CLDN10: variants seen among roughly 807,000 people sequenced by gnomAD.
The protein encoded by CLDN10 is claudin-10.
CLDN10 carries 15 observed loss-of-function variants against 22.9 expected under a neutral mutation model. That is an observed-to-expected ratio of 0.65 (90% CI 0.44 to 1.01). The LOEUF is 1.01. Ranked by LOEUF, CLDN10 falls within the 50% of genes least tolerant of loss-of-function variation. CLDN10 has a pLI of 0.00. For missense variants in CLDN10, 247 were observed against 287.8 expected (o/e 0.86, Z 1.03); for synonymous variants, 114 against 111.4 (o/e 1.02, Z -0.15).
At chr13:95,438,580 G>A (rs960933416) in intron 1 of CLDN10, among the ~76,000 whole-genome samples, 1 of 152,238 alleles carries the variant, frequency 6.6e-6, no homozygotes, top group African/African-American at 2.4e-5. Context: ...TCTGGAAGCT[G>A]CAGTCAAATG....
chr13:95,457,489 T>C (rs966213026), intron 1 of CLDN10, among the ~76,000 whole-genome samples: 7 of 152,116 alleles, frequency 4.6e-5, no homozygotes, highest in Admixed American at 3.3e-4. Context: ...GTTGTGGTTA[T>C]CTGTTTGACC....
intron 1 of CLDN10, among the ~76,000 whole-genome samples, chr13:95,501,735 T>G (rs1016390316): frequency 6.6e-6 from 1 of 152,228 alleles, no homozygotes; most frequent in Non-Finnish European, 1.5e-5. Flanking sequence ...AAAAATCTAG[T>G]CTAATAATCT....
intron 1 of CLDN10, among the ~76,000 whole-genome samples, chr13:95,535,044 C>T (rs1594594780): frequency 6.6e-6 from 1 of 151,936 alleles, no homozygotes; most frequent in East Asian, 1.9e-4. Flanking sequence ...AAAAGGAATT[C>T]TCCAGGCTAA....
chr13:95,469,521 G>T (rs1401298981), intron 1 of CLDN10, among the ~76,000 whole-genome samples: 1 of 152,164 alleles, frequency 6.6e-6, no homozygotes, highest in Non-Finnish European at 1.5e-5. Context: ...AAGGCCACCT[G>T]GTTTAATCAC....
intron 1 of CLDN10, among the ~76,000 whole-genome samples, chr13:95,484,616 G>A (rs2042782460): frequency 6.6e-6 from 1 of 150,906 alleles, no homozygotes; most frequent in Non-Finnish European, 1.5e-5. Context: ...GCCAAGGTGG[G>A]CAGATCACTT....
chr13:95,468,258 T>C (rs747498056), intron 1 of CLDN10, among the ~76,000 whole-genome samples: 1 of 152,192 alleles, frequency 6.6e-6, no homozygotes, highest in African/African-American at 2.4e-5. Context: ...TTTTGGTAAT[T>C]GTCTTACCTC....
intron 1 of CLDN10, among the ~76,000 whole-genome samples, chr13:95,483,871 G>A (rs1471833208): frequency 1.3e-5 from 2 of 152,180 alleles, no homozygotes; most frequent in Non-Finnish European, 2.9e-5. Context: ...CAAGGTGATG[G>A]TATTGGGATG....
At chr13:95,537,595 C>T (rs2138617726) in intron 1 of CLDN10, among the ~76,000 whole-genome samples, 1 of 152,298 alleles carries the variant, frequency 6.6e-6, no homozygotes, top group East Asian at 1.9e-4. Flanking sequence ...ACAAGTTTCC[C>T]TTACTTAACA....
intron 1 of CLDN10, among the ~76,000 whole-genome samples, chr13:95,464,954 T>A (rs1243657274): frequency 6.6e-6 from 1 of 152,182 alleles, no homozygotes; most frequent in Non-Finnish European, 1.5e-5. Flanking sequence ...CTCAAACTCC[T>A]GACCTCAAGT....
rs150770581 is a variant in CLDN10 at position 95,546,211 on chromosome 13, C to T, written c.215-13921C>T. 6.1e-4 allele frequency among the ~76,000 whole-genome samples: 93 copies of T among 152,012 alleles called. 1 individual carries two copies. In the East Asian group the frequency reaches 0.016, roughly 27 times the overall value. ...TGCATTTTGTGCATGTTTGTTCACA[C>T]GCTGTAGATATTGACTGTACTCTGT... On this transcript the variant is annotated intron_variant, in intron 1 of 4. Transcript: ENST00000376873.
intron 1 of CLDN10, among the ~76,000 whole-genome samples, chr13:95,466,227 A>T (rs2042580382): frequency 6.6e-6 from 1 of 152,052 alleles, no homozygotes; most frequent in Non-Finnish European, 1.5e-5. Context: ...GGATTTTACT[A>T]TTCACTAAAA....
At chr13:95,480,320 T>G (rs2138492582) in intron 1 of CLDN10, among the ~76,000 whole-genome samples, 1 of 151,562 alleles carries the variant, frequency 6.6e-6, no homozygotes, top group Middle Eastern at 3.4e-3. Flanking sequence ...AGTTTCACAT[T>G]GACTCAGACA....
At chr13:95,494,506 T>C (rs1276285393) in intron 1 of CLDN10, among the ~76,000 whole-genome samples, 1 of 152,222 alleles carries the variant, frequency 6.6e-6, no homozygotes, top group Non-Finnish European at 1.5e-5. Context: ...ATGGAAAACG[T>C]ATTTCTTGGT....
At chr13:95,534,582 T>C (rs2043380380) in intron 1 of CLDN10, among the ~76,000 whole-genome samples, 1 of 152,216 alleles carries the variant, frequency 6.6e-6, no homozygotes, top group Admixed American at 6.5e-5. Flanking sequence ...CTGATTGTTA[T>C]ATAAAGAATT....
chr13:95,537,866 A>G (rs894619657), intron 1 of CLDN10, among the ~76,000 whole-genome samples: 2 of 152,216 alleles, frequency 1.3e-5, no homozygotes, highest in Admixed American at 6.5e-5. Flanking sequence ...AGTGAAACCA[A>G]TTATAAGTAG....
At chr13:95,577,486 T>C in intron 4 of CLDN10, 148 bp downstream of exon 4, 1 of 631,618 alleles carries the variant, frequency 1.6e-6, no homozygotes, top group Non-Finnish European at 2.8e-6. Context: ...GTTAATTTTT[T>C]AAAGTTTTAC....
intron 1 of CLDN10, among the ~76,000 whole-genome samples, chr13:95,470,630 A>C (rs1405535526): frequency 6.6e-6 from 1 of 151,908 alleles, no homozygotes; most frequent in Non-Finnish European, 1.5e-5. Context: ...TCTCCATGGA[A>C]CTCTCATCTT....
At chr13:95,482,522 G>A (rs187444682) in intron 1 of CLDN10, among the ~76,000 whole-genome samples, 127 of 152,180 alleles carry the variant, frequency 8.3e-4, no homozygotes, top group African/African-American at 2.7e-3. Context: ...ACACCTTCTC[G>A]GGCTGCCTTC....
chr13:95,559,506 A>C (rs972143030), intron 1 of CLDN10, among the ~76,000 whole-genome samples: 5 of 152,306 alleles, frequency 3.3e-5, no homozygotes, highest in African/African-American at 9.6e-5. Flanking sequence ...TACACCCTGA[A>C]AACAATAGTA....
Sources: gnomAD v4.1 joint callset for allele counts (sites outside exome capture counted in the v4.1 genomes callset) on GRCh38, gnomAD v4.1.1 for gene constraint, MANE v1.5 for transcripts, NCBI Gene and HGNC (gene_info 2026-07-23, HGNC 2026-07-21) for gene names.